The following VPS13C variants were observed in gnomAD, a reference collection of about 807,000 sequenced individuals.
The protein encoded by VPS13C is intermembrane lipid transfer protein VPS13C.
VPS13C carries 358 observed loss-of-function variants against 456.8 expected under a neutral mutation model. That is an observed-to-expected ratio of 0.78 (90% CI 0.72 to 0.86). The LOEUF (loss-of-function observed/expected upper bound fraction) is 0.86. Among genes scored for constraint, VPS13C ranks in the 40% least tolerant of loss-of-function variants. VPS13C has a pLI of 0.00. For missense variants in VPS13C, 4,818 were observed against 4,385.4 expected, an observed-to-expected ratio of 1.10 and a Z score of -2.79; for synonymous variants, 1,578 against 1,486.7, an observed-to-expected ratio of 1.06 and a Z score of -1.41.
At chr15:61,945,606 G>T (rs1322816128) in intron 45 of VPS13C, 109 bp downstream of exon 45, 12 of 746,964 alleles carry the variant, frequency 1.6e-5, no homozygotes, top group Non-Finnish European at 1.8e-5. Context: ...CAGCACTCAG[G>T]TGCTCATCAC....
chr15:61,923,820 C>T (rs991209038), intron 53 of VPS13C, among the ~76,000 whole-genome samples: 1 of 149,404 alleles, frequency 6.7e-6, no homozygotes, highest in Non-Finnish European at 1.5e-5. Flanking sequence ...ACAACGCCAC[C>T]ACACCATTCT....
intron 66 of VPS13C, among the ~76,000 whole-genome samples, chr15:61,894,978 C>T (rs1204302166): frequency 6.6e-6 from 1 of 152,080 alleles, no homozygotes; most frequent in Non-Finnish European, 1.5e-5. Flanking sequence ...GGCCACAAAA[C>T]AAGTCTCAAA....
chr15:62,027,493 T>C (rs2047676812), intron 6 of VPS13C, among the ~76,000 whole-genome samples: 1 of 152,160 alleles, frequency 6.6e-6, no homozygotes, highest in Non-Finnish European at 1.5e-5. Context: ...TTTCACCTAA[T>C]GCTGTAAAGC....
At chr15:61,854,727 G>T in intron 84 of VPS13C, 144 bp downstream of exon 84, 1 of 966,866 alleles carries the variant, frequency 1.0e-6, no homozygotes, top group Non-Finnish European at 1.6e-6. Context: ...GCACCCGACT[G>T]AGTCCACAGC....
chr15:61,920,655 G>GA lies in VPS13C; in HGVS notation c.7063-9dup. The GA allele has an allele frequency of 6.4e-7, 1 of 1,555,172 alleles. No homozygotes were observed. Among genetic ancestry groups the GA allele is most frequent in the Non-Finnish European group, 8.6e-7 (1 of 1,160,762 alleles). On this transcript the variant is annotated splice_polypyrimidine_tract_variant and intron_variant, in intron 55 of 84. Coordinates refer to ENST00000644861, the MANE Select transcript of VPS13C (RefSeq NM_020821.3). ...AACTGGGTTCTTCTTTACCTATGAA[G>GA]AAAAATAACACAGCAAATTTAAATT...
intron 75 of VPS13C, among the ~76,000 whole-genome samples, chr15:61,876,314 A>G (rs1357747735): frequency 6.6e-6 from 1 of 152,014 alleles, no homozygotes; most frequent in African/African-American, 2.4e-5. Flanking sequence ...CTGTCCTTGC[A>G]TGGGTGAGTA....
At chr15:61,978,097 A>G (rs2045763518) in intron 23 of VPS13C, among the ~76,000 whole-genome samples, 1 of 152,038 alleles carries the variant, frequency 6.6e-6, no homozygotes, top group Non-Finnish European at 1.5e-5. Context: ...AAAAACACCA[A>G]AGCTTTTGGA....
At chr15:61,910,028 A>G (rs2043259022) in intron 64 of VPS13C, 149 bp downstream of exon 64, 2 of 250,566 alleles carry the variant, frequency 8.0e-6, no homozygotes, top group Non-Finnish European at 1.3e-5. Context: ...CCTAATGTAA[A>G]TAACAAGTTA....
At chr15:61,910,022 A>C (rs1447985729) in intron 64 of VPS13C, among the ~76,000 whole-genome samples, 155 bp downstream of exon 64, 2 of 152,034 alleles carry the variant, frequency 1.3e-5, no homozygotes, top group African/African-American at 4.8e-5. Context: ...GATATACCTA[A>C]TGTAAATAAC....
chr15:61,977,506 A>G (rs929034499), intron 23 of VPS13C, among the ~76,000 whole-genome samples: 3 of 152,006 alleles, frequency 2.0e-5, no homozygotes, highest in Non-Finnish European at 4.4e-5. Context: ...AGGATCTATT[A>G]CCTCAATTCC....
At chr15:61,866,637 T>A (rs1182902436) in intron 81 of VPS13C, 26 of 985,028 alleles carry the variant, frequency 2.6e-5, no homozygotes, top group Non-Finnish European at 2.9e-5. Flanking sequence ...AATGCTAAAT[T>A]ATCTAGGCAC....
At chr15:61,911,785 T>A in intron 63 of VPS13C, 55 bp downstream of exon 63, 1 of 1,428,418 alleles carries the variant, frequency 7.0e-7, no homozygotes, top group African/African-American at 1.4e-5. Flanking sequence ...CTTATTTAGA[T>A]GTCAATATTT....
intron 79 of VPS13C, among the ~76,000 whole-genome samples, chr15:61,870,619 G>C (rs746626429): frequency 6.6e-6 from 1 of 152,140 alleles, no homozygotes; most frequent in Non-Finnish European, 1.5e-5. Context: ...TTGAACACCT[G>C]TTTTCAAATC....
chr15:62,026,255 T>C (rs1015645278), intron 6 of VPS13C, among the ~76,000 whole-genome samples: 13 of 151,772 alleles, frequency 8.6e-5, no homozygotes. Context: ...CAAAATCAAT[T>C]AGTCCTTCTT....
intron 80 of VPS13C, 24 bp downstream of exon 80, chr15:61,869,476 T>C (rs1313105643): frequency 1.2e-6 from 2 of 1,613,444 alleles, no homozygotes; most frequent in South Asian, 2.2e-5. Context: ...ACACATACCT[T>C]GCACATAGTA....
intron 18 of VPS13C, among the ~76,000 whole-genome samples, chr15:61,987,523 G>A (rs150728413): frequency 2.0e-4 from 30 of 151,880 alleles, no homozygotes; most frequent in Non-Finnish European, 3.2e-4. Context: ...CAACAGTATC[G>A]GAGAAACCAA....
At chr15:62,050,570 A>T (rs1040128577) in intron 1 of VPS13C, among the ~76,000 whole-genome samples, 8 of 152,170 alleles carry the variant, frequency 5.3e-5, no homozygotes, top group African/African-American at 1.9e-4. Context: ...GACCAAGGCG[A>T]TTGGATCACT....
intron 76 of VPS13C, among the ~76,000 whole-genome samples, 194 bp from the exon 77 acceptor site, chr15:61,875,145 A>G (rs1053902619): frequency 5.3e-5 from 8 of 152,040 alleles, no homozygotes; most frequent in Non-Finnish European, 8.8e-5. Context: ...AACCTACATG[A>G]TCTTAGCAAA....
intron 9 of VPS13C, among the ~76,000 whole-genome samples, chr15:62,017,313 G>T (rs933504013): frequency 9.9e-5 from 15 of 152,162 alleles, no homozygotes; most frequent in Non-Finnish European, 1.9e-4. Context: ...GTCAATTTTG[G>T]CTTTTGTTGC....
Sources: gnomAD v4.1 joint callset for allele counts (sites outside exome capture counted in the v4.1 genomes callset) on GRCh38, gnomAD v4.1.1 for gene constraint, MANE v1.5 for transcripts, NCBI Gene and HGNC (gene_info 2026-07-23, HGNC 2026-07-21) for gene names.